The following TNFRSF11B variants were observed in gnomAD, a reference collection of about 807,000 sequenced individuals.
TNFRSF11B encodes tumor necrosis factor receptor superfamily member 11B.
TNFRSF11B carries 16 observed loss-of-function variants against 43.4 expected under a neutral mutation model. The observed-to-expected ratio is 0.37, with a 90% confidence interval of 0.25 to 0.56. The LOEUF (loss-of-function observed/expected upper bound fraction) is 0.56. TNFRSF11B is among the 20% of genes least tolerant of loss of function. The pLI, the probability that TNFRSF11B is intolerant of heterozygous loss-of-function variation, is 0.80. For synonymous variants in TNFRSF11B, 185 were observed against 181.8 expected (o/e 1.02, Z -0.14); for missense variants, 444 against 490.1 (o/e 0.91, Z 0.89).
intron 2 of TNFRSF11B, 54 bp downstream of exon 2, chr8:118,932,876 AC>A (rs1415330181): frequency 2.5e-5 from 40 of 1,610,522 alleles, no homozygotes; most frequent in Non-Finnish European, 3.4e-5. Context: ...CTAAACTGTC[AC>A]AACTATCTGA....
chr8:118,937,073 C>T (rs888509839), intron 1 of TNFRSF11B, among the ~76,000 whole-genome samples: 2 of 152,188 alleles, frequency 1.3e-5, no homozygotes, highest in Non-Finnish European at 1.5e-5. Context: ...TCTCAGCTAG[C>T]TTTATCCCTC....
intron 2 of TNFRSF11B, 126 bp from the exon 3 acceptor site, chr8:118,929,055 T>A: frequency 1.2e-6 from 1 of 831,936 alleles, no homozygotes; most frequent in East Asian, 2.6e-5. Flanking sequence ...TGCACAAAAC[T>A]CTAGCATTTT....
Position 118,933,023 on chromosome 8 carries a change from C to T in TNFRSF11B, c.308G>A (p.Arg103His), listed in dbSNP as rs375274060. Reference protein sequence around the residue: ...VKQECNRTHNRVCECKEGRYL... With the variant: ...VKQECNRTHNHVCECKEGRYL... ...GCGCCCTTCCTTGCATTCGCACACG[C>T]GGTTGTGGGTGCGATTGCACTCCTG... Residue 103 changes from arginine (R) to histidine (H), a missense_variant, in exon 2 of 5, where the codon CGC becomes CAC. Transcript: ENST00000297350. 7.9e-5 allele frequency: 128 copies of T among 1,614,028 alleles called. No individual in the cohort carries two copies. Among genetic ancestry groups the T allele is most frequent in the Admixed American group, 1.2e-4 (7 of 60,002 alleles).
rs1445858449 is a variant in TNFRSF11B, at chr8:118,947,988, A to G, written c.30+3804T>C. ...TACTTCTTTATAATATAGTTATGACAGTATATTGATTTTTAAAAATTATAT... is the reference window on the plus strand; with the variant it reads ...TACTTCTTTATAATATAGTTATGACGGTATATTGATTTTTAAAAATTATAT... On this transcript the variant is annotated intron_variant, in intron 1 of 4. Transcript: ENST00000297350. Among the ~76,000 whole-genome samples, 4 of 152,176 alleles carry G rather than the reference A, an allele frequency of 2.6e-5. No individual in the cohort carries two copies. In the East Asian group the frequency reaches 7.7e-4, roughly 29 times the overall value.
In TNFRSF11B at chr8:118,933,256, A is replaced by T. The variant is rs776644606; in HGVS notation, c.75T>A (p.Pro25=). The T allele has an allele frequency of 6.2e-7, 1 of 1,614,134 alleles. No individual in the cohort carries two copies. The highest frequency in any genetic ancestry group is 8.5e-7 in the Non-Finnish European group (1 of 1,180,054). Residue 25 remains proline (P), a synonymous_variant, in exon 2 of 5, where the codon CCT becomes CCA. Coordinates refer to ENST00000297350, the MANE Select transcript of TNFRSF11B (RefSeq NM_002546.4). ...SIKWTTQETF[P]PKYLHYDEET... is the part of the protein sequence containing the mutation. The stretch of plus-strand genomic sequence containing the variant: ...CTTCGTCATAATGAAGGTACTTTGG[A>T]GGAAACGTTTCCTGGGTGGTCCACT...
Position 118,933,021 on chromosome 8 carries a change from C to T in TNFRSF11B, c.310G>A (p.Val104Met), listed in dbSNP as rs11573906. The stretch of plus-strand genomic sequence containing the variant: ...TAGCGCCCTTCCTTGCATTCGCACA[C>T]GCGGTTGTGGGTGCGATTGCACTCC... ...KQECNRTHNRVCECKEGRYLE... is the reference protein window; with the variant it reads ...KQECNRTHNRMCECKEGRYLE... The change falls in exon 2 of 5, where the codon GTG becomes ATG. Residue 104 changes from valine (V) to methionine (M), a missense_variant. Coordinates refer to ENST00000297350, the MANE Select transcript of TNFRSF11B (RefSeq NM_002546.4). 417 of 1,614,166 alleles carry T rather than the reference C, an allele frequency of 2.6e-4. 3 individuals carry two copies. The East Asian group carries it at 8.7e-3, about 34-fold the overall frequency.
chr8:118,937,214 C>G (rs1418847953), intron 1 of TNFRSF11B, among the ~76,000 whole-genome samples: 1 of 152,172 alleles, frequency 6.6e-6, no homozygotes, highest in Non-Finnish European at 1.5e-5. Context: ...GTTGAATTAA[C>G]TGTTCTCTAA....
In TNFRSF11B at chr8:118,951,802, C is replaced by A; in HGVS notation, c.20G>T (p.Cys7Phe). ...GGCCCAGGGACTTACCACGAGCGCG[C>A]AGCACAGCAAGTTGTTCATTGTGGT... MNNLLC[C>F]ALVFLDISIK... Residue 7 changes from cysteine (C) to phenylalanine (F), a missense_variant, in exon 1 of 5, where the codon TGC becomes TTC. Physicochemically the swap from Cys to Phe is radical, Grantham distance 205. Transcript: ENST00000297350. 1 of 1,593,586 alleles carries A rather than the reference C, an allele frequency of 6.3e-7. No homozygotes were observed. Among genetic ancestry groups the A allele is most frequent in the Non-Finnish European group, 8.5e-7 (1 of 1,170,314 alleles).
At chr8:118,931,256 G>A (rs906348946) in intron 2 of TNFRSF11B, among the ~76,000 whole-genome samples, 15 of 152,142 alleles carry the variant, frequency 9.9e-5, no homozygotes, top group Non-Finnish European at 2.1e-4. Flanking sequence ...TATTTCCCAA[G>A]AGGAACTGCT....
intron 3 of TNFRSF11B, among the ~76,000 whole-genome samples, chr8:118,927,569 T>TA (rs1554617278): frequency 6.6e-6 from 1 of 150,916 alleles, no homozygotes; most frequent in African/African-American, 2.4e-5. Context: ...TTTTTTTTTT[T>TA]AGATAAGAAA....
rs1303255238 is a variant in TNFRSF11B, at chr8:118,924,499, C to T, written c.1081G>A (p.Val361Ile). The T allele has an allele frequency of 6.2e-7, 1 of 1,613,880 alleles. No individual in the cohort carries two copies. Among genetic ancestry groups the T allele is most frequent in the African/African-American group, 1.3e-5 (1 of 74,892 alleles). The change falls in exon 5 of 5, where the codon GTC becomes ATC. Residue 361 changes from valine (V) to isoleucine (I), a missense_variant. Physicochemically the swap from Val to Ile is conservative, Grantham distance 29 (BLOSUM62 3). Transcript: ENST00000297350. ...ATGGTCTTCTTTAGACTCTGAGTGACAGTTTTGGGAAAGTGGTACGTCTTT... is the reference window on the plus strand; with the variant it reads ...ATGGTCTTCTTTAGACTCTGAGTGATAGTTTTGGGAAAGTGGTACGTCTTT... ...HSKTYHFPKT[V>I]TQSLKKTIRF...
At chr8:118,932,138 G>A (rs1812338855) in intron 2 of TNFRSF11B, among the ~76,000 whole-genome samples, 1 of 152,180 alleles carries the variant, frequency 6.6e-6, no homozygotes, top group African/African-American at 2.4e-5. Context: ...CTAAGTAAGT[G>A]GATACTCTTA....
intron 1 of TNFRSF11B, among the ~76,000 whole-genome samples, chr8:118,949,679 C>T (rs1399180403): frequency 6.6e-6 from 1 of 152,164 alleles, no homozygotes; most frequent in Admixed American, 6.5e-5. Context: ...TTCTTTGCAA[C>T]TCTATATACA....
In TNFRSF11B at chr8:118,928,910, T is replaced by C; in HGVS notation, c.420A>G (p.Thr140=). 1 of 1,614,188 alleles carries C rather than the reference T, an allele frequency of 6.2e-7. No individual in the cohort carries two copies. The highest frequency in any genetic ancestry group is 1.3e-5 in the African/African-American group (1 of 75,062). The change falls in exon 3 of 5, where the codon ACA becomes ACG. Residue 140 remains threonine, a synonymous_variant. Coordinates refer to ENST00000297350, the MANE Select transcript of TNFRSF11B (RefSeq NM_002546.4). ...VVQAGTPERN[T]VCKRCPDGFF... ...ACCCATCTGGACATCTTTTGCAAAC[T>C]GTATTTCGCTCTGGGGTTCCTACAG...
intron 4 of TNFRSF11B, among the ~76,000 whole-genome samples, chr8:118,924,986 A>G (rs570865490): frequency 6.6e-6 from 1 of 152,324 alleles, no homozygotes; most frequent in Admixed American, 6.5e-5. Context: ...TTGGCATCCA[A>G]CAAAACTTTG....
At chr8:118,929,130 T>C (rs1299482874) in intron 2 of TNFRSF11B, 2 of 594,668 alleles carry the variant, frequency 3.4e-6, no homozygotes, top group South Asian at 2.0e-5. Flanking sequence ...TTTCTCCTCC[T>C]TGTAATGCAA....
chr8:118,936,638 A>G, intron 1 of TNFRSF11B, among the ~76,000 whole-genome samples: 1 of 152,206 alleles, frequency 6.6e-6, no homozygotes, highest in Admixed American at 6.5e-5. Context: ...ATAAAACCTT[A>G]AAAATTCATT....
chr8:118,931,198 T>C (rs939924719), intron 2 of TNFRSF11B, among the ~76,000 whole-genome samples: 1 of 152,200 alleles, frequency 6.6e-6, no homozygotes, highest in Non-Finnish European at 1.5e-5. Context: ...AAATACTTTT[T>C]AGAGTAACAC....
At chr8:118,937,662 C>G (rs548841470) in intron 1 of TNFRSF11B, among the ~76,000 whole-genome samples, 1 of 152,162 alleles carries the variant, frequency 6.6e-6, no homozygotes, top group Non-Finnish European at 1.5e-5. Context: ...AAAAATGAAG[C>G]CTTTCCCTTA....
Sources: allele counts gnomAD v4.1 joint callset (sites outside exome capture counted in the v4.1 genomes callset), GRCh38; gene constraint gnomAD v4.1.1; transcripts MANE v1.5; gene names NCBI Gene and HGNC (gene_info 2026-07-23, HGNC 2026-07-21).